The following VKORC1 variants were observed in gnomAD, a reference collection of about 807,000 sequenced individuals.
VKORC1 encodes the protein vitamin K epoxide reductase complex subunit 1.
In VKORC1, 12 loss-of-function variants were observed where a neutral mutation model predicts 14.8. That is an observed-to-expected ratio of 0.81 (90% CI 0.52 to 1.31). The LOEUF is 1.31. VKORC1 is among the 50% of genes most tolerant of loss of function. The pLI is 0.00. For synonymous variants in VKORC1, 94 were observed against 92.5 expected (o/e 1.02, Z -0.09); for missense variants, 223 against 215.3 (o/e 1.04, Z -0.22).
intron 2 of VKORC1, 57 bp downstream of exon 2, chr16:31,093,255 G>T: frequency 7.2e-7 from 1 of 1,384,284 alleles, no homozygotes; most frequent in South Asian, 1.2e-5. Context: ...GGGCTGAGCT[G>T]ACCAAGGGGG....
chr16:31,091,326 G>T lies in VKORC1; in HGVS notation c.300C>A (p.Arg100=). The change falls in exon 3 of 3, where the codon CGC becomes CGA. Residue 100 remains arginine, a synonymous_variant. Coordinates refer to ENST00000394975, the MANE Select transcript of VKORC1 (RefSeq NM_024006.6). ...LQLLLGCLRT[R]WASVLMLLSS... ...TCAGCAGCATCAGGACAGAGGCCCA[G>T]CGTGTCCGCAGGCAACCTGCAAGGC... 6.2e-7 allele frequency: 1 copy of T among 1,613,932 alleles called. No individual in the cohort carries two copies. The highest frequency in any genetic ancestry group is 8.5e-7 in the Non-Finnish European group (1 of 1,179,966).
intron 2 of VKORC1, among the ~76,000 whole-genome samples, chr16:31,092,358 G>C (rs1293632297): frequency 1.3e-5 from 2 of 151,558 alleles, no homozygotes; most frequent in African/African-American, 4.8e-5. Context: ...GCTTCAACAG[G>C]TCCCCTCCAA....
At chr16:31,092,015 T>C (rs17882023) in intron 2 of VKORC1, among the ~76,000 whole-genome samples, 11,927 of 151,654 alleles carry the variant, frequency 0.079, 746 homozygotes, top group Admixed American at 0.18. Flanking sequence ...CTGTCTCCAC[T>C]AAAAATACAA....
At chr16:31,093,677 A>C in intron 1 of VKORC1, 1 of 363,094 alleles carries the variant, frequency 2.8e-6, no homozygotes. Context: ...CCTGCTTTTC[A>C]TCTTAGACCT....
Position 31,094,622 on chromosome 16 carries a change from G to A in VKORC1, c.108C>T (p.Asp36=), listed in dbSNP as rs767124757. 1.2e-6 allele frequency: 2 copies of A among 1,606,946 alleles called. No homozygotes were observed. Among genetic ancestry groups the A allele is most frequent in the Non-Finnish European group, 1.7e-6 (2 of 1,178,168 alleles). ...CGTCGCAGAGCGCGCGGTAATCCCG[G>A]TCCCGGGCGCGCGCCGCCTTCACGT... ...ALHVKAARAR[D]RDYRALCDVG... Residue 36 remains aspartate, a synonymous_variant, in exon 1 of 3, where the codon GAC becomes GAT. Coordinates refer to ENST00000394975, the MANE Select transcript of VKORC1 (RefSeq NM_024006.6).
chr16:31,092,861 C>T, intron 2 of VKORC1: 1 of 954,378 alleles, frequency 1.0e-6, no homozygotes. Context: ...TGGCGAGACA[C>T]CATCTCTACC....
At chr16:31,091,913 C>T (rs2057292695) in intron 2 of VKORC1, among the ~76,000 whole-genome samples, 2 of 151,828 alleles carry the variant, frequency 1.3e-5, no homozygotes, top group African/African-American at 4.8e-5. Context: ...GTGAGGTTGA[C>T]TCACGCCTGT....
chr16:31,093,191 G>C, intron 2 of VKORC1, 121 bp downstream of exon 2: 1 of 1,070,690 alleles, frequency 9.3e-7, no homozygotes, highest in Admixed American at 2.0e-5. Flanking sequence ...GACGCTCCGT[G>C]ATGAGCAGCT....
intron 1 of VKORC1, chr16:31,094,030 C>A: frequency 2.1e-6 from 2 of 959,994 alleles, no homozygotes; most frequent in Non-Finnish European, 3.0e-6. Context: ...AATGGCAAGG[C>A]TGGTATAACG....
At chr16:31,093,471 G>T in intron 1 of VKORC1, 50 bp from the exon 2 acceptor site, 1 of 1,613,760 alleles carries the variant, frequency 6.2e-7, no homozygotes, top group Middle Eastern at 1.6e-4. Flanking sequence ...TGTCAACCCA[G>T]TGCCTTGGAC....
At chr16:31,094,373 C>T in intron 1 of VKORC1, 184 bp downstream of exon 1, 14 of 1,612,968 alleles carry the variant, frequency 8.7e-6, no homozygotes, top group Non-Finnish European at 1.2e-5. Context: ...TGTCTGGTCC[C>T]TTGCCTCGCA....
In VKORC1 at chr16:31,091,247, C is replaced by G. The variant is rs777707816; in HGVS notation, c.379G>C (p.Val127Leu). The G allele has an allele frequency of 5.0e-6, 8 of 1,614,026 alleles. No homozygotes were observed. Among genetic ancestry groups the G allele is most frequent in the African/African-American group, 1.3e-5 (1 of 74,918 alleles). The part of the protein sequence containing the change: ...SVYLAWILFF[V>L]LYDFCIVCIT... Reference sequence around the variant, plus strand: ...CAAACAATGCAGAAATCATAGAGCACGAAGAACAGGATCCAGGCCAGGTAG... The same window carrying G: ...CAAACAATGCAGAAATCATAGAGCAGGAAGAACAGGATCCAGGCCAGGTAG... Residue 127 changes from valine to leucine, a missense_variant, in exon 3 of 3, where the codon GTG becomes CTG. Coordinates refer to ENST00000394975, the MANE Select transcript of VKORC1 (RefSeq NM_024006.6).
intron 2 of VKORC1, 128 bp downstream of exon 2, chr16:31,093,184 G>A (rs2057301165): frequency 1.0e-6 from 1 of 983,694 alleles, no homozygotes; most frequent in Non-Finnish European, 1.5e-6. Flanking sequence ...CCCGCAGGAC[G>A]CTCCGTGATG....
chr16:31,093,069 C>T (rs1228642660), intron 2 of VKORC1, among the ~76,000 whole-genome samples: 1 of 151,862 alleles, frequency 6.6e-6, no homozygotes. Context: ...AAAACAACAA[C>T]AAACAAAAAA....
At chr16:31,091,948 G>A (rs1214892686) in intron 2 of VKORC1, among the ~76,000 whole-genome samples, 1 of 152,030 alleles carries the variant, frequency 6.6e-6, no homozygotes, top group Non-Finnish European at 1.5e-5. Flanking sequence ...GGGAGGCCAA[G>A]GCGGATGGAT....
Position 31,091,119 on chromosome 16 carries a change from G to A in VKORC1, c.*15C>T, listed in dbSNP as rs1437837167. The stretch of plus-strand genomic sequence containing the variant: ...AAGCAAAGCAGATGAGGTCAGCCTG[G>A]CTTGGGTTGAGGGCTCAGTGCCTCT... On this transcript the variant is annotated 3_prime_UTR_variant, in exon 3 of 3. Transcript: ENST00000394975. 6.2e-7 allele frequency: 1 copy of A among 1,612,828 alleles called. No individual in the cohort carries two copies. The highest frequency in any genetic ancestry group is 8.5e-7 in the Non-Finnish European group (1 of 1,179,956).
At chr16:31,092,743 T>C (rs1265606597) in intron 2 of VKORC1, 1 of 1,277,724 alleles carries the variant, frequency 7.8e-7, no homozygotes, top group South Asian at 1.3e-5. Flanking sequence ...TCGGCATCTT[T>C]TCCACAAAAC....
chr16:31,092,734 C>T (rs760982572), intron 2 of VKORC1: 158 of 1,274,602 alleles, frequency 1.2e-4, no homozygotes, highest in Non-Finnish European at 1.4e-4. Context: ...AAAGGAATTT[C>T]GGCATCTTTT....
chr16:31,091,167 G>A lies in VKORC1; in HGVS notation c.459C>T (p.Val153=). 6.2e-7 allele frequency: 1 copy of A among 1,614,022 alleles called. No individual in the cohort carries two copies. The highest frequency in any genetic ancestry group is 8.5e-7 in the Non-Finnish European group (1 of 1,180,034). ...VSLMWLSFRK[V]QEPQGKAKRH is the part of the protein sequence containing the mutation. Reference sequence around the variant, plus strand: ...TCTTAGCCTTGCCCTGGGGTTCTTGGACCTTCCGGAAACTGAGCCACATCA... The same window carrying A: ...TCTTAGCCTTGCCCTGGGGTTCTTGAACCTTCCGGAAACTGAGCCACATCA... Residue 153 remains valine (V), a synonymous_variant, in exon 3 of 3, where the codon GTC becomes GTT. Coordinates refer to ENST00000394975, the MANE Select transcript of VKORC1 (RefSeq NM_024006.6).
Sources: allele counts gnomAD v4.1 joint callset (sites outside exome capture counted in the v4.1 genomes callset), GRCh38; gene constraint gnomAD v4.1.1; transcripts MANE v1.5; gene names NCBI Gene and HGNC (gene_info 2026-07-23, HGNC 2026-07-21).